SUPT3H: variants seen among roughly 807,000 people sequenced by gnomAD.
The protein encoded by SUPT3H is transcription initiation protein SPT3 homolog.
A neutral mutation model predicts 44.3 loss-of-function variants in SUPT3H; 44 were observed. That is an observed-to-expected ratio of 0.99 (90% CI 0.78 to 1.28). SUPT3H has a LOEUF of 1.28. SUPT3H is among the 50% of genes most tolerant of loss of function. The pLI is 0.00. For missense variants in SUPT3H, 380 were observed against 387.1 expected (o/e 0.98, Z 0.15); for synonymous variants, 124 against 125.6 (o/e 0.99, Z 0.09).
chr6:44,888,322 T>G (rs1401441473), intron 10 of SUPT3H, among the ~76,000 whole-genome samples: 1 of 152,008 alleles, frequency 6.6e-6, no homozygotes, highest in Non-Finnish European at 1.5e-5. Context: ...AAAAAGAGAA[T>G]TTTAGACCAA....
At chr6:45,293,172 C>T (rs1780583870) in intron 2 of SUPT3H, among the ~76,000 whole-genome samples, 1 of 152,030 alleles carries the variant, frequency 6.6e-6, no homozygotes, top group African/African-American at 2.4e-5. Context: ...TGGAAATCAA[C>T]CCCAAAAGGA....
chr6:45,154,202 T>C (rs1193026445), intron 2 of SUPT3H, among the ~76,000 whole-genome samples: 2 of 152,024 alleles, frequency 1.3e-5, no homozygotes, highest in Non-Finnish European at 2.9e-5. Flanking sequence ...GAAATCCATA[T>C]AGTCAATTAA....
intron 3 of SUPT3H, among the ~76,000 whole-genome samples, chr6:45,022,119 T>C (rs1254436863): frequency 6.6e-6 from 1 of 152,052 alleles, no homozygotes; most frequent in Non-Finnish European, 1.5e-5. Context: ...ATGGGCTATA[T>C]ATACATTTGT....
intron 2 of SUPT3H, among the ~76,000 whole-genome samples, chr6:45,302,048 A>G (rs1034776898): frequency 6.6e-6 from 1 of 152,184 alleles, no homozygotes; most frequent in African/African-American, 2.4e-5. Flanking sequence ...GTTTACCTGG[A>G]GCCAGCATGA....
chr6:45,240,337 G>A (rs938533385), intron 2 of SUPT3H, among the ~76,000 whole-genome samples: 64 of 152,164 alleles, frequency 4.2e-4, no homozygotes, highest in Admixed American at 1.7e-3. Context: ...CACTACTGCC[G>A]TGAGTATTCC....
intron 3 of SUPT3H, among the ~76,000 whole-genome samples, chr6:45,064,972 T>A (rs1053716686): frequency 6.6e-6 from 1 of 150,540 alleles, no homozygotes; most frequent in Non-Finnish European, 1.5e-5. Flanking sequence ...AATAGACATC[T>A]ACAGAACTCT....
chr6:44,968,278 C>G (rs768435072), intron 6 of SUPT3H, among the ~76,000 whole-genome samples: 7 of 152,172 alleles, frequency 4.6e-5, no homozygotes, highest in Non-Finnish European at 7.3e-5. Flanking sequence ...CAGCAGCATT[C>G]AGCAATGCGG....
In SUPT3H at chr6:44,820,384, T is replaced by A. The variant is rs140370907; in HGVS notation, c.*52+9380A>T. Among the ~76,000 whole-genome samples, 802 of 152,246 alleles carry A rather than the reference T, an allele frequency of 5.3e-3. 6 individuals are homozygous for A. Among genetic ancestry groups the A allele is most frequent in the Non-Finnish European group, 8.7e-3 (590 of 68,024 alleles). On this transcript the variant is annotated intron_variant and NMD_transcript_variant, in intron 11 of 11. Transcript: ENST00000475057. Reference sequence around the variant, plus strand: ...AAAAATGTTTTTTAAAAGAGTTATGTTGAAAAACACAGTTGAAGAAGTTCA... The same window carrying A: ...AAAAATGTTTTTTAAAAGAGTTATGATGAAAAACACAGTTGAAGAAGTTCA...
At chr6:44,903,703 C>A (rs1362806378) in intron 10 of SUPT3H, among the ~76,000 whole-genome samples, 4 of 152,184 alleles carry the variant, frequency 2.6e-5, no homozygotes, top group Admixed American at 1.3e-4. Flanking sequence ...CATCCTGATA[C>A]CAAAGCCGGG....
At chr6:44,844,444 A>C (rs889228883) in intron 10 of SUPT3H, among the ~76,000 whole-genome samples, 7 of 152,342 alleles carry the variant, frequency 4.6e-5, no homozygotes, top group Admixed American at 2.0e-4. Context: ...GAACATTTAT[A>C]TATTTTTATG....
At chr6:45,311,560 GACAAAAGTACCAGGT>G (rs1437459981) in intron 2 of SUPT3H, among the ~76,000 whole-genome samples, 1 of 152,142 alleles carries the variant, frequency 6.6e-6, no homozygotes, top group East Asian at 1.9e-4. Flanking sequence ...AAAGCTGTTA[GACAAAAGTACCAGGT>G]AACCTATAAA....
intron 5 of SUPT3H, among the ~76,000 whole-genome samples, chr6:45,014,120 C>G (rs1291367997): frequency 6.6e-6 from 1 of 151,870 alleles, no homozygotes; most frequent in Admixed American, 6.6e-5. Flanking sequence ...TGTGTTCTAC[C>G]TGAATATTTT....
intron 6 of SUPT3H, among the ~76,000 whole-genome samples, chr6:44,985,996 AT>A (rs1779734335): frequency 6.6e-6 from 1 of 152,188 alleles, no homozygotes; most frequent in African/African-American, 2.4e-5. Flanking sequence ...TGGACTTAAG[AT>A]AATGAGGGTT....
At chr6:45,146,480 A>G (rs1806089631) in intron 2 of SUPT3H, among the ~76,000 whole-genome samples, 1 of 152,094 alleles carries the variant, frequency 6.6e-6, no homozygotes, top group African/African-American at 2.4e-5. Context: ...TGGGTACAGC[A>G]TATGCTGCAT....
At chr6:44,868,482 T>C (rs1004501845) in intron 10 of SUPT3H, among the ~76,000 whole-genome samples, 7 of 152,224 alleles carry the variant, frequency 4.6e-5, no homozygotes, top group Admixed American at 2.6e-4. Flanking sequence ...ATAATGCTTC[T>C]GTGACAAGGT....
intron 9 of SUPT3H, among the ~76,000 whole-genome samples, chr6:44,937,240 C>G (rs191663339): frequency 2.0e-5 from 3 of 151,820 alleles, no homozygotes; most frequent in African/African-American, 4.8e-5. Flanking sequence ...GCCTGTAATC[C>G]CAGCACTTTG....
At chr6:44,835,935 C>T (rs1769793942) in intron 10 of SUPT3H, among the ~76,000 whole-genome samples, 2 of 152,070 alleles carry the variant, frequency 1.3e-5, no homozygotes, top group African/African-American at 4.8e-5. Context: ...TCTAAGCCCT[C>T]CATTTGCCTA....
At chr6:45,166,645 G>T (rs1809927266) in intron 2 of SUPT3H, among the ~76,000 whole-genome samples, 1 of 148,590 alleles carries the variant, frequency 6.7e-6, no homozygotes, top group African/African-American at 2.5e-5. Context: ...GAAAAGAGAA[G>T]AGTAATATCA....
At chr6:45,144,962 C>T (rs892436599) in intron 2 of SUPT3H, among the ~76,000 whole-genome samples, 1 of 151,966 alleles carries the variant, frequency 6.6e-6, no homozygotes, top group Non-Finnish European at 1.5e-5. Context: ...TATACCTAAC[C>T]AAGGAGGTGA....
Sources: gnomAD v4.1 joint callset for allele counts (sites outside exome capture counted in the v4.1 genomes callset) on GRCh38, gnomAD v4.1.1 for gene constraint, MANE v1.5 for transcripts, NCBI Gene and HGNC (gene_info 2026-07-23, HGNC 2026-07-21) for gene names.